RALGPS1: variants seen among roughly 807,000 people sequenced by gnomAD.
RALGPS1 encodes ras-specific guanine nucleotide-releasing factor RalGPS1.
RALGPS1 carries 19 observed loss-of-function variants against 78.8 expected under a neutral mutation model. The observed-to-expected ratio is 0.24, with a 90% CI of 0.17 to 0.35. RALGPS1 has a LOEUF of 0.35. RALGPS1 is among the 10% of genes least tolerant of loss of function. RALGPS1 has a pLI of 1.00. For missense variants in RALGPS1, 454 were observed against 688.3 expected (o/e 0.66, Z 3.81); for synonymous variants, 228 against 256.3 (o/e 0.89, Z 1.06).
intron 10 of RALGPS1, among the ~76,000 whole-genome samples, chr9:127,169,785 A>G (rs1026980643): frequency 7.2e-5 from 11 of 152,198 alleles, no homozygotes; most frequent in African/African-American, 2.7e-4. Flanking sequence ...AATAAATGCC[A>G]TGAGATATTC....
intron 1 of RALGPS1, among the ~76,000 whole-genome samples, chr9:126,938,372 G>A (rs1442106675): frequency 4.6e-5 from 7 of 152,186 alleles, no homozygotes; most frequent in African/African-American, 1.7e-4. Flanking sequence ...GAAGTTTTAG[G>A]TGGTGTAGTA....
chr9:126,982,637 C>T (rs1170393915), intron 4 of RALGPS1, among the ~76,000 whole-genome samples: 1 of 152,090 alleles, frequency 6.6e-6, no homozygotes, highest in Non-Finnish European at 1.5e-5. Context: ...TTGTCACCCA[C>T]CAGTTTCCCT....
chr9:127,100,380 G>A (rs1016669280), intron 8 of RALGPS1, among the ~76,000 whole-genome samples: 6 of 152,128 alleles, frequency 3.9e-5, no homozygotes, highest in South Asian at 2.1e-4. Context: ...ATTTGACCTC[G>A]GGAGAAACAG....
chr9:126,960,935 G>A (rs2038849846), intron 1 of RALGPS1, among the ~76,000 whole-genome samples: 1 of 152,036 alleles, frequency 6.6e-6, no homozygotes, highest in African/African-American at 2.4e-5. Context: ...TGTCCTTCCT[G>A]TCTCTCAGTC....
chr9:127,111,796 C>T (rs1359621494), intron 8 of RALGPS1, among the ~76,000 whole-genome samples: 1 of 152,200 alleles, frequency 6.6e-6, no homozygotes, highest in Non-Finnish European at 1.5e-5. Context: ...AATCAGAAAG[C>T]TAGAAGGTGG....
At chr9:127,071,333 T>C (rs1280201395) in intron 8 of RALGPS1, among the ~76,000 whole-genome samples, 1 of 152,192 alleles carries the variant, frequency 6.6e-6, no homozygotes, top group Non-Finnish European at 1.5e-5. Context: ...GATGTGCATT[T>C]TCTTTCCACA....
At chr9:127,160,148 G>A (rs192369237) in intron 8 of RALGPS1, among the ~76,000 whole-genome samples, 1 of 152,262 alleles carries the variant, frequency 6.6e-6, no homozygotes, top group Admixed American at 6.5e-5. Flanking sequence ...TGCCAGCCGT[G>A]GGCTTTGGCT....
intron 8 of RALGPS1, among the ~76,000 whole-genome samples, chr9:127,070,266 C>T (rs567960214): frequency 6.6e-6 from 1 of 152,296 alleles, no homozygotes; most frequent in South Asian, 2.1e-4. Flanking sequence ...TGCTTGCTAG[C>T]CCATCGCTCA....
At chr9:127,088,451 C>T (rs2052034832) in intron 8 of RALGPS1, 1 of 167,048 alleles carries the variant, frequency 6.0e-6, no homozygotes, top group South Asian at 1.6e-4. Flanking sequence ...AAATGCTTTT[C>T]TCCTAAGAGC....
chr9:127,138,312 T>C (rs1281163), intron 8 of RALGPS1, among the ~76,000 whole-genome samples: 3,723 of 152,188 alleles, frequency 0.024, 55 homozygotes, highest in Middle Eastern at 0.048. Context: ...CGTGGCTGCA[T>C]TGTCAGTAAG....
intron 9 of RALGPS1, among the ~76,000 whole-genome samples, chr9:127,167,481 C>T (rs1288130099): frequency 3.3e-5 from 5 of 152,228 alleles, no homozygotes; most frequent in Non-Finnish European, 4.4e-5. Context: ...CTTGAAAAGT[C>T]ACTTTCTCCC....
At chr9:127,217,241 G>T in intron 18 of RALGPS1, 1 of 1,209,196 alleles carries the variant, frequency 8.3e-7, no homozygotes, top group Non-Finnish European at 1.0e-6. Flanking sequence ...TGGAGGAGGG[G>T]ATTTTTCTTC....
rs755415689 is a variant in RALGPS1 at position 127,069,399 on chromosome 9, C to T, written c.610+43C>T. 1.7e-5 allele frequency: 27 copies of T among 1,600,568 alleles called. 1 individual carries two copies. The highest frequency in any genetic ancestry group is 1.7e-4 in the Middle Eastern group (1 of 6,008). On this transcript the variant is annotated intron_variant, in intron 8 of 18. Coordinates refer to ENST00000259351, the MANE Select transcript of RALGPS1 (RefSeq NM_014636.3). The stretch of plus-strand genomic sequence containing the variant: ...CTTATTTTTTTTTAAGAAACCTACT[C>T]GGTGCCAAATAAGATGTTTTTACAG...
Position 127,221,051 on chromosome 9 carries a change from G to A in RALGPS1, c.*2282G>A, listed in dbSNP as rs540270018. The A allele has an allele frequency of 1.3e-5, 2 of 152,530 alleles. No individual in the cohort carries two copies. The highest frequency in any genetic ancestry group is 3.9e-4 in the East Asian group (2 of 5,184). The allele number at this position is 152,530 out of a possible 1,614,324, so 9.4% of individuals were successfully genotyped here. On this transcript the variant is annotated 3_prime_UTR_variant, in exon 19 of 19. Coordinates refer to ENST00000259351, the MANE Select transcript of RALGPS1 (RefSeq NM_014636.3). ...TTGAAGAATCTCTTTAGATTTTGTT[G>A]GCAAAAGCCTTATAGAAGCAGTAAG...
At chr9:126,959,119 G>A (rs1182359886) in intron 1 of RALGPS1, among the ~76,000 whole-genome samples, 1 of 149,516 alleles carries the variant, frequency 6.7e-6, no homozygotes, top group East Asian at 2.0e-4. Flanking sequence ...CTGGAATGTA[G>A]TGTGCAATCT....
At chr9:127,069,430 A>G (rs775306452) in intron 8 of RALGPS1, 74 bp downstream of exon 8, 1 of 1,559,328 alleles carries the variant, frequency 6.4e-7, no homozygotes, top group Non-Finnish European at 8.7e-7. Flanking sequence ...TACAGTTTCT[A>G]CCTGAAAAAT....
chr9:126,927,668 C>G (rs1362386607), intron 1 of RALGPS1, among the ~76,000 whole-genome samples: 1 of 152,178 alleles, frequency 6.6e-6, no homozygotes, highest in Non-Finnish European at 1.5e-5. Flanking sequence ...CAGCAACCTT[C>G]TCAAGCAATT....
chr9:127,137,727 G>A (rs2057497368), intron 8 of RALGPS1, among the ~76,000 whole-genome samples: 1 of 152,224 alleles, frequency 6.6e-6, no homozygotes, highest in Admixed American at 6.5e-5. Flanking sequence ...GCCTGTGCTG[G>A]GCACTGGGGA....
chr9:126,931,958 G>A (rs1357934136), intron 1 of RALGPS1, among the ~76,000 whole-genome samples: 1 of 150,550 alleles, frequency 6.6e-6, no homozygotes, highest in Non-Finnish European at 1.5e-5. Context: ...CAATGTGTTG[G>A]GATTAGCATA....
Sources: allele counts gnomAD v4.1 joint callset (sites outside exome capture counted in the v4.1 genomes callset), GRCh38; gene constraint gnomAD v4.1.1; transcripts MANE v1.5; gene names NCBI Gene and HGNC (gene_info 2026-07-23, HGNC 2026-07-21).